The following ARHGEF12 variants were observed in gnomAD, a reference collection of about 807,000 sequenced individuals.
ARHGEF12 encodes Rho guanine nucleotide exchange factor 12.
In ARHGEF12, 66 loss-of-function variants were observed where a neutral mutation model predicts 211.2. The observed-to-expected ratio is 0.31, with a 90% CI of 0.26 to 0.38. ARHGEF12 has a LOEUF of 0.38. ARHGEF12 is among the 10% of genes least tolerant of loss of function. The pLI, the probability that ARHGEF12 is intolerant of heterozygous loss-of-function variation, is 1.00. For synonymous variants in ARHGEF12, 592 were observed against 638.4 expected, an observed-to-expected ratio of 0.93 and a Z score of 1.09; for missense variants, 1,429 against 1,869.5, an observed-to-expected ratio of 0.76 and a Z score of 4.34.
chr11:120,446,660 G>A, intron 17 of ARHGEF12, 152 bp downstream of exon 17: 1 of 703,008 alleles, frequency 1.4e-6, no homozygotes, highest in Admixed American at 2.9e-5. Flanking sequence ...GAGCCAAAGG[G>A]TTAGAGTGGA....
intron 1 of ARHGEF12, among the ~76,000 whole-genome samples, chr11:120,347,190 T>TTCTTTCTTTC: frequency 7.1e-6 from 1 of 141,322 alleles, no homozygotes; most frequent in South Asian, 2.2e-4. Context: ...CTTCCTTTCT[T>TTCTTTCTTTC]TCTTTCTTTC....
In ARHGEF12 at chr11:120,489,763, A is replaced by G. The variant is rs956569087; in HGVS notation, c.*4686A>G. On this transcript the variant is annotated 3_prime_UTR_variant, in exon 41 of 41. Transcript: ENST00000397843. ...GACTATTCAAATGTACTTTGCGGAA[A>G]TTAACCTGTTTGTATGCCTGGCTTT... is the stretch of plus-strand genomic sequence containing the variant. 1 of 194,290 alleles carries G rather than the reference A, an allele frequency of 5.1e-6. No individual in the cohort carries two copies. The highest frequency in any genetic ancestry group is 1.1e-5 in the Non-Finnish European group (1 of 93,290). The allele number at this position is 194,290 out of a possible 1,614,324, so 12.0% of individuals were successfully genotyped here.
rs11217851 is a variant in ARHGEF12 at position 120,384,830 on chromosome 11, T to A, written c.33-21288T>A. Among the ~76,000 whole-genome samples, 515 of 151,958 alleles carry A rather than the reference T, an allele frequency of 3.4e-3. 22 individuals are homozygous for A. The East Asian group carries it at 0.072, about 21-fold the overall frequency. The stretch of plus-strand genomic sequence containing the variant: ...AATCTGTTTCTCCTCTACTCCCACC[T>A]CCTGTCCCAGATTCTCTTTGAAGGG... On this transcript the variant is annotated intron_variant, in intron 1 of 40. Coordinates refer to ENST00000397843, the MANE Select transcript of ARHGEF12 (RefSeq NM_015313.3).
chr11:120,416,766 T>G (rs769199917), intron 4 of ARHGEF12, among the ~76,000 whole-genome samples: 22 of 152,138 alleles, frequency 1.4e-4, no homozygotes, highest in Non-Finnish European at 3.1e-4. Flanking sequence ...TTCTCCTGCC[T>G]CAGCCTCCTG....
chr11:120,351,445 ATATATATATATTTTTTTTTT>A (rs1291761882), intron 1 of ARHGEF12, among the ~76,000 whole-genome samples: 62 of 4,010 alleles, frequency 0.015, no homozygotes, highest in African/African-American at 0.092. Context: ...ATATATATAT[ATATATATATATTTTTTTTTT>A]TTTTTTTTTT....
chr11:120,384,498 G>C (rs1943970666), intron 1 of ARHGEF12, among the ~76,000 whole-genome samples: 1 of 152,208 alleles, frequency 6.6e-6, no homozygotes, highest in Non-Finnish European at 1.5e-5. Context: ...AGTCTTCTTA[G>C]TATAGCAATG....
chr11:120,420,599 A>G (rs1324655847), intron 4 of ARHGEF12, among the ~76,000 whole-genome samples, 154 bp from the exon 5 acceptor site: 1 of 152,174 alleles, frequency 6.6e-6, no homozygotes, highest in Non-Finnish European at 1.5e-5. Context: ...TGCTTTGTTG[A>G]TGGTGGTTAG....
chr11:120,477,399 G>A, intron 35 of ARHGEF12, 48 bp from the exon 36 acceptor site: 1 of 1,561,474 alleles, frequency 6.4e-7, no homozygotes, highest in Non-Finnish European at 8.8e-7. Flanking sequence ...ATGATGTTTA[G>A]ATACCTCAGG....
At chr11:120,361,546 A>AT (rs1234531647) in intron 1 of ARHGEF12, among the ~76,000 whole-genome samples, 4 of 151,964 alleles carry the variant, frequency 2.6e-5, no homozygotes, top group Non-Finnish European at 4.4e-5. Context: ...TGGAGAAGGG[A>AT]TTTTTTTTGT....
At chr11:120,388,528 C>T (rs1055675831) in intron 1 of ARHGEF12, among the ~76,000 whole-genome samples, 5 of 152,142 alleles carry the variant, frequency 3.3e-5, no homozygotes, top group Non-Finnish European at 5.9e-5. Flanking sequence ...TATTTTAACT[C>T]TTTAAGAAAT....
chr11:120,476,454 T>C (rs1947034704), intron 33 of ARHGEF12: 1 of 392,986 alleles, frequency 2.5e-6, no homozygotes. Flanking sequence ...ATAATCTTTG[T>C]TTTATTGAAG....
chr11:120,377,364 A>G (rs985768480), intron 1 of ARHGEF12, among the ~76,000 whole-genome samples: 1 of 151,440 alleles, frequency 6.6e-6, no homozygotes, highest in African/African-American at 2.4e-5. Context: ...TTTTTTAAAG[A>G]CAGTCTCTGT....
At chr11:120,403,519 A>G (rs1944604368) in intron 1 of ARHGEF12, among the ~76,000 whole-genome samples, 1 of 141,100 alleles carries the variant, frequency 7.1e-6, no homozygotes, top group Non-Finnish European at 1.5e-5. Flanking sequence ...AAAGAAAAGG[A>G]AAAAAAAAAA....
At chr11:120,456,872 A>G (rs1051661361) in intron 22 of ARHGEF12, among the ~76,000 whole-genome samples, 5 of 152,104 alleles carry the variant, frequency 3.3e-5, no homozygotes, top group Non-Finnish European at 5.9e-5. Context: ...GTGGCACGCA[A>G]CTGTAGGCCC....
At chr11:120,482,163 T>C (rs1947264963) in intron 39 of ARHGEF12, among the ~76,000 whole-genome samples, 1 of 152,164 alleles carries the variant, frequency 6.6e-6, no homozygotes, top group South Asian at 2.1e-4. Context: ...ATGCTTCGGG[T>C]AGTTGGCTGG....
At chr11:120,432,040 C>T in intron 11 of ARHGEF12, 129 bp downstream of exon 11, 4 of 841,212 alleles carry the variant, frequency 4.8e-6, no homozygotes, top group Non-Finnish European at 6.6e-6. Context: ...TTTAATGTAC[C>T]AATTTGATAA....
At chr11:120,447,155 G>GTAC in intron 18 of ARHGEF12, 70 bp downstream of exon 18, 1 of 1,507,754 alleles carries the variant, frequency 6.6e-7, no homozygotes, top group East Asian at 2.4e-5. Context: ...AGTGTCCTTT[G>GTAC]GGTAGGTTTA....
intron 27 of ARHGEF12, chr11:120,463,091 C>T (rs1946583430): frequency 6.6e-6 from 1 of 152,254 alleles, no homozygotes. Flanking sequence ...CATTTAAGGT[C>T]AGCTAGGCCA....
chr11:120,339,673 T>A (rs1413184673), intron 1 of ARHGEF12, among the ~76,000 whole-genome samples: 1 of 152,226 alleles, frequency 6.6e-6, no homozygotes, highest in African/African-American at 2.4e-5. Flanking sequence ...CTGTCCTCAG[T>A]TGAAATCAGA....
Sources: allele counts gnomAD v4.1 joint callset (sites outside exome capture counted in the v4.1 genomes callset), GRCh38; gene constraint gnomAD v4.1.1; transcripts MANE v1.5; gene names NCBI Gene and HGNC (gene_info 2026-07-23, HGNC 2026-07-21).